Variants in XKR6 observed in about 807,000 individuals in gnomAD.
The protein encoded by XKR6 is XK related 6, also known as XK-related protein 6.
A neutral mutation model predicts 56.7 loss-of-function variants in XKR6; 22 were observed. The observed-to-expected ratio is 0.39, with a 90% CI of 0.28 to 0.55. The LOEUF is 0.55. XKR6 is among the 20% of genes least tolerant of loss of function. XKR6 has a pLI of 0.66. For synonymous variants in XKR6, 524 were observed against 387.8 expected (o/e 1.35, Z -4.13); for missense variants, 852 against 889.0 (o/e 0.96, Z 0.53).
intron 1 of XKR6, among the ~76,000 whole-genome samples, chr8:10,926,788 T>C (rs554942150): frequency 3.1e-4 from 47 of 152,324 alleles, no homozygotes; most frequent in Admixed American, 2.5e-3. Flanking sequence ...TTCCACTAGG[T>C]GTTGCCTTGC....
intron 1 of XKR6, among the ~76,000 whole-genome samples, chr8:10,938,367 C>T (rs1030725581): frequency 2.0e-5 from 3 of 152,336 alleles, no homozygotes; most frequent in African/African-American, 4.8e-5. Context: ...TCTTCTGCAT[C>T]GCTCACGCTG....
intron 1 of XKR6, among the ~76,000 whole-genome samples, chr8:11,102,337 T>C (rs1370547183): frequency 6.6e-6 from 1 of 152,182 alleles, no homozygotes; most frequent in Non-Finnish European, 1.5e-5. Flanking sequence ...TTGTGTCTTT[T>C]GCTTCCCAAG....
At chr8:11,123,476 G>A (rs1245788315) in intron 1 of XKR6, 5 of 195,988 alleles carry the variant, frequency 2.6e-5, no homozygotes, top group African/African-American at 1.2e-4. Flanking sequence ...CATTGAACAA[G>A]GATATGCCCC....
intron 1 of XKR6, chr8:11,123,849 C>T (rs1416437525): frequency 3.3e-5 from 15 of 456,174 alleles, no homozygotes; most frequent in Admixed American, 1.4e-4. Flanking sequence ...TCCAGTGTCC[C>T]GTGGTCCCCA....
intron 1 of XKR6, among the ~76,000 whole-genome samples, chr8:11,024,204 G>GGTGTGTGTGTGTGT (rs61021720): frequency 1.2e-4 from 17 of 136,900 alleles, no homozygotes; most frequent in East Asian, 5.0e-4. Context: ...CCTGTTAGGA[G>GGTGTGTGTGTGTGT]GTGTGTGTGT....
rs951122509 is a variant in XKR6 at position 11,197,777 on chromosome 8, C to T, written c.764+2799G>A. Among the ~76,000 whole-genome samples, 8 of 150,950 alleles carry T rather than the reference C, an allele frequency of 5.3e-5. No homozygotes were observed. In the South Asian group the frequency reaches 6.3e-4, roughly 12 times the overall value. ...TTCTGTAAAGTTATTTGATAAAAGA[C>T]GTCAAGTATTTGCCATCTTGACAGG... On this transcript the variant is annotated intron_variant, in intron 1 of 2. Coordinates refer to ENST00000416569, the MANE Select transcript of XKR6 (RefSeq NM_173683.4).
chr8:11,151,060 T>C (rs1801245546), intron 1 of XKR6, among the ~76,000 whole-genome samples: 1 of 152,160 alleles, frequency 6.6e-6, no homozygotes, highest in South Asian at 2.1e-4. Flanking sequence ...ATGCTTCATA[T>C]AAGACTCTTT....
chr8:11,007,881 C>G (rs779015814), intron 1 of XKR6, among the ~76,000 whole-genome samples: 1 of 151,866 alleles, frequency 6.6e-6, no homozygotes, highest in Non-Finnish European at 1.5e-5. Flanking sequence ...GCACAACAAG[C>G]AGGCAGGGAG....
chr8:11,012,258 C>T lies in XKR6; in HGVS notation c.765-87428G>A, dbSNP rs140287612. On this transcript the variant is annotated intron_variant, in intron 1 of 2. Coordinates refer to ENST00000416569, the MANE Select transcript of XKR6 (RefSeq NM_173683.4). ...AGGGGCAGTAATGAACCCCCAAGCC[C>T]CTTTGGGACCTCAGCTGCTAGGGAA... 5.3e-5 allele frequency among the ~76,000 whole-genome samples: 8 copies of T among 152,304 alleles called. No individual in the cohort carries two copies. In the East Asian group the frequency reaches 1.4e-3, roughly 26 times the overall value.
chr8:10,901,040 ACAGAGTT>A (rs1800022582), intron 2 of XKR6, among the ~76,000 whole-genome samples: 1 of 145,152 alleles, frequency 6.9e-6, no homozygotes, highest in Non-Finnish European at 1.5e-5. Flanking sequence ...TTTTGTAGAG[ACAGAGTT>A]TCTACTTCTT....
chr8:11,148,327 G>A (rs960973945), intron 1 of XKR6, among the ~76,000 whole-genome samples: 90 of 152,184 alleles, frequency 5.9e-4, no homozygotes, highest in African/African-American at 1.5e-3. Context: ...AAAGTGACAC[G>A]GGATGTGCAT....
chr8:11,041,897 A>G (rs1300607206), intron 1 of XKR6, among the ~76,000 whole-genome samples: 1 of 152,224 alleles, frequency 6.6e-6, no homozygotes, highest in African/African-American at 2.4e-5. Context: ...ACATATATAA[A>G]CACAACACAC....
rs1554468040 is a variant in XKR6 at position 11,132,767 on chromosome 8, G to GCACGCACA, written c.764+67808_764+67809insTGTGCGTG. On this transcript the variant is annotated intron_variant, in intron 1 of 2. Transcript: ENST00000416569. ...CCTTCATTCATACACACACACGCACGCACACACACACACACACACGCACAT... is the reference window on the plus strand; with the variant it reads ...CCTTCATTCATACACACACACGCACGCACGCACACACACACACACACACACACGCACAT... Among the ~76,000 whole-genome samples, 345 of 138,272 alleles carry GCACGCACA rather than the reference G, an allele frequency of 2.5e-3. 1 individual carries two copies. The highest frequency in any genetic ancestry group is 9.7e-3 in the African/African-American group (334 of 34,416). 90.7% of individuals were successfully genotyped at this position (138,272 alleles called of 152,430 possible).
intron 1 of XKR6, among the ~76,000 whole-genome samples, chr8:11,129,199 T>C (rs566494640): frequency 2.0e-5 from 3 of 152,232 alleles, no homozygotes; most frequent in African/African-American, 7.2e-5. Flanking sequence ...CTCAACATTG[T>C]AAACATACTC....
chr8:11,109,537 G>C (rs536191102), intron 1 of XKR6: 1 of 152,304 alleles, frequency 6.6e-6, no homozygotes, highest in South Asian at 2.1e-4. Flanking sequence ...CACAGCTCCA[G>C]ACCCGGCATG....
chr8:11,058,566 T>A (rs983682298), intron 1 of XKR6, among the ~76,000 whole-genome samples: 2 of 152,174 alleles, frequency 1.3e-5, no homozygotes, highest in Non-Finnish European at 2.9e-5. Flanking sequence ...AAGCCATCAT[T>A]CTCAGCAAAC....
At chr8:10,952,233 C>T (rs1394848868) in intron 1 of XKR6, among the ~76,000 whole-genome samples, 1 of 152,120 alleles carries the variant, frequency 6.6e-6, no homozygotes, top group African/African-American at 2.4e-5. Flanking sequence ...GTGACGTTCC[C>T]GCTCTGAAGT....
At chr8:11,125,029 C>T (rs1799694342) in intron 1 of XKR6, among the ~76,000 whole-genome samples, 1 of 145,662 alleles carries the variant, frequency 6.9e-6, no homozygotes, top group Non-Finnish European at 1.5e-5. Context: ...GTGGAGCTTG[C>T]AGTGAGCCGA....
At chr8:11,123,215 TGGCAGAGTGACTCTGTGTAGAA>T (rs1799543344) in intron 1 of XKR6, among the ~76,000 whole-genome samples, 1 of 133,970 alleles carries the variant, frequency 7.5e-6, no homozygotes, top group Non-Finnish European at 1.6e-5. Flanking sequence ...CCAGCCTGGG[TGGCAGAGTGACTCTGTGTAGAA>T]GGAAAAAAAA....
Sources: allele counts gnomAD v4.1 joint callset (sites outside exome capture counted in the v4.1 genomes callset), GRCh38; gene constraint gnomAD v4.1.1; transcripts MANE v1.5; gene names NCBI Gene and HGNC (gene_info 2026-07-23, HGNC 2026-07-21).